PDE4D: variants seen among roughly 807,000 people sequenced by gnomAD.
The protein encoded by PDE4D is phosphodiesterase 4D.
Under a neutral mutation model 87.4 loss-of-function variants are expected in PDE4D, and 24 were observed. That is an observed-to-expected ratio of 0.27 (90% CI 0.20 to 0.39). The LOEUF is 0.39. PDE4D is among the 10% of genes least tolerant of loss of function. PDE4D has a pLI of 1.00. For synonymous variants in PDE4D, 384 were observed against 383.2 expected, an observed-to-expected ratio of 1.00 and a Z score of -0.02; for missense variants, 714 against 1,041.0, an observed-to-expected ratio of 0.69 and a Z score of 4.32.
chr5:60,307,193 G>A (rs1192543399), intron 1 of PDE4D, among the ~76,000 whole-genome samples: 1 of 151,884 alleles, frequency 6.6e-6, no homozygotes, highest in Non-Finnish European at 1.5e-5. Context: ...TTTAAACAAC[G>A]ACACAGAAAC....
In PDE4D at chr5:59,258,995, A is replaced by T. The variant is rs552454463; in HGVS notation, c.456-43027T>A. On this transcript the variant is annotated intron_variant, in intron 1 of 14. Coordinates refer to ENST00000340635, the MANE Select transcript of PDE4D (RefSeq NM_001104631.2). ...TACCTAGAACTGTTAAGACATTTTC[A>T]GTAAACTTTCCATTATCATTTCACT... Among the ~76,000 whole-genome samples, 77 of 151,952 alleles carry T rather than the reference A, an allele frequency of 5.1e-4. No individual in the cohort carries two copies. The South Asian group carries it at 0.016, about 31-fold the overall frequency.
At position 59,762,397 on chromosome 5, in the gene PDE4D, C is replaced by CAT. The variant is rs773927383; in HGVS notation, c.455+130769_455+130770dup. On this transcript the variant is annotated intron_variant, in intron 1 of 14. Transcript: ENST00000340635. ...ATGTGTATATGTGTATATGGGTACA[C>CAT]ATGTGTATATGTGTATATGGGTACA... is the stretch of plus-strand genomic sequence containing the variant. Among the ~76,000 whole-genome samples the CAT allele has an allele frequency of 9.0e-3, 933 of 104,040 alleles. 140 individuals carry two copies. Among genetic ancestry groups the CAT allele is most frequent in the Non-Finnish European group, 0.014 (687 of 49,268 alleles). 68.3% of individuals were successfully genotyped at this position (104,040 alleles called of 152,430 possible).
intron 2 of PDE4D, among the ~76,000 whole-genome samples, chr5:60,062,571 A>G (rs1771524912): frequency 1.3e-5 from 2 of 152,222 alleles, no homozygotes; most frequent in African/African-American, 4.8e-5. Flanking sequence ...CTGGATAAAT[A>G]CCTAGAGGAA....
chr5:59,177,482 G>T (rs956573875), intron 5 of PDE4D, among the ~76,000 whole-genome samples: 3 of 152,170 alleles, frequency 2.0e-5, no homozygotes, highest in African/African-American at 4.8e-5. Flanking sequence ...TATGCTAAGG[G>T]CATCATGCGT....
At chr5:60,279,690 T>C (rs906095102) in intron 1 of PDE4D, among the ~76,000 whole-genome samples, 14 of 151,510 alleles carry the variant, frequency 9.2e-5, no homozygotes, top group Non-Finnish European at 1.9e-4. Context: ...ATTTCTTTTT[T>C]TTTTTTTTTC....
At chr5:60,317,134 A>C (rs137984255) in intron 1 of PDE4D, among the ~76,000 whole-genome samples, 41,276 of 151,838 alleles carry the variant, frequency 0.27, 6,856 homozygotes, top group African/African-American at 0.46. Context: ...TTTTTGGTTG[A>C]TAAGCTATTA....
chr5:59,796,306 A>G (rs1766473107), intron 1 of PDE4D, among the ~76,000 whole-genome samples: 1 of 152,250 alleles, frequency 6.6e-6, no homozygotes, highest in South Asian at 2.1e-4. Context: ...TACAGTCTAG[A>G]AAAGGAAAAA....
At chr5:59,234,281 CTTTT>C (rs1380315475) in intron 1 of PDE4D, among the ~76,000 whole-genome samples, 2 of 151,938 alleles carry the variant, frequency 1.3e-5, no homozygotes, top group Admixed American at 6.6e-5. Flanking sequence ...TTTTGTCTTT[CTTTT>C]TTCTTTTTTT....
chr5:60,460,289 G>A, intron 1 of PDE4D: 1 of 1,033,036 alleles, frequency 9.7e-7, no homozygotes, highest in Non-Finnish European at 1.5e-6. Flanking sequence ...TCTTTGGATA[G>A]AAGTTTATTT....
At chr5:60,254,862 G>C (rs966965911) in intron 1 of PDE4D, among the ~76,000 whole-genome samples, 2 of 151,806 alleles carry the variant, frequency 1.3e-5, no homozygotes, top group African/African-American at 4.8e-5. Flanking sequence ...AAATGAGAAA[G>C]CATGCAGTTA....
intron 5 of PDE4D, among the ~76,000 whole-genome samples, chr5:59,116,442 CAT>C (rs1203634386): frequency 2.6e-5 from 4 of 152,148 alleles, no homozygotes; most frequent in African/African-American, 9.7e-5. Flanking sequence ...TTGGCAAGAA[CAT>C]GTGCAAACGT....
chr5:59,567,375 G>C (rs998103120), intron 1 of PDE4D, among the ~76,000 whole-genome samples: 2 of 152,158 alleles, frequency 1.3e-5, no homozygotes, highest in African/African-American at 4.8e-5. Context: ...TGTCAAGAAA[G>C]TACAGAGATT....
At chr5:60,439,235 C>A (rs570711140) in intron 1 of PDE4D, among the ~76,000 whole-genome samples, 1 of 151,930 alleles carries the variant, frequency 6.6e-6, no homozygotes, top group Non-Finnish European at 1.5e-5. Context: ...CTTATAACTG[C>A]GGAAATACAT....
At chr5:59,933,792 T>TATA (rs1561879282) in intron 3 of PDE4D, among the ~76,000 whole-genome samples, 1,852 of 99,336 alleles carry the variant, frequency 0.019, 24 homozygotes, top group South Asian at 0.065. Flanking sequence ...ATATATATAT[T>TATA]AATAAGCATT....
At chr5:59,678,984 C>T (rs1348097546) in intron 1 of PDE4D, among the ~76,000 whole-genome samples, 4 of 152,170 alleles carry the variant, frequency 2.6e-5, no homozygotes, top group African/African-American at 9.7e-5. Flanking sequence ...CTTTCCTAGA[C>T]TGAGCATTAC....
intron 1 of PDE4D, among the ~76,000 whole-genome samples, chr5:60,245,028 T>C (rs985491863): frequency 1.3e-5 from 2 of 151,790 alleles, no homozygotes; most frequent in Non-Finnish European, 2.9e-5. Context: ...TGGGAGAAAA[T>C]ATTTGCAAAC....
chr5:60,049,350 CCTT>C (rs1375959608), intron 2 of PDE4D, among the ~76,000 whole-genome samples: 1 of 152,168 alleles, frequency 6.6e-6, no homozygotes, highest in Admixed American at 6.5e-5. Context: ...TTGTCTGAAG[CCTT>C]CTTCTCTCAG....
chr5:60,453,883 C>A (rs959790537), intron 1 of PDE4D, among the ~76,000 whole-genome samples: 3 of 152,058 alleles, frequency 2.0e-5, no homozygotes, highest in African/African-American at 7.2e-5. Context: ...TATGTTCATG[C>A]CTTCCCCTTG....
In PDE4D at chr5:59,647,459, G is replaced by GTT. The variant is rs200418450; in HGVS notation, c.455+245707_455+245708dup. Among the ~76,000 whole-genome samples the GTT allele has an allele frequency of 6.9e-3, 467 of 67,212 alleles. 4 individuals carry two copies. In the South Asian group the frequency reaches 0.078, roughly 11 times the overall value. 44.1% of individuals were successfully genotyped at this position (67,212 alleles called of 152,430 possible). On this transcript the variant is annotated intron_variant, in intron 1 of 14. Coordinates refer to ENST00000340635, the MANE Select transcript of PDE4D (RefSeq NM_001104631.2). Reference sequence around the variant, plus strand: ...TTTTTGAAATTAGGGATTTTTCAAAGTTTTTTTTTTTTTAATTAAAATAGT... The same window carrying GTT: ...TTTTTGAAATTAGGGATTTTTCAAAGTTTTTTTTTTTTTTTAATTAAAATAGT...
Sources: allele counts gnomAD v4.1 joint callset (sites outside exome capture counted in the v4.1 genomes callset), GRCh38; gene constraint gnomAD v4.1.1; transcripts MANE v1.5; gene names NCBI Gene and HGNC (gene_info 2026-07-23, HGNC 2026-07-21).